RNF17: variants seen among roughly 807,000 people sequenced by gnomAD.
RNF17 encodes the protein ring finger protein 17.
In RNF17, 31 loss-of-function variants were observed where a neutral mutation model predicts 200.5. The ratio of observed to expected loss-of-function variants is 0.15; its 90% confidence interval spans 0.12 to 0.21. The LOEUF is 0.21. RNF17 is among the 10% of genes least tolerant of loss of function. RNF17 has a pLI of 1.00. For synonymous variants in RNF17, 606 were observed against 637.8 expected, an observed-to-expected ratio of 0.95 and a Z score of 0.75; for missense variants, 1,628 against 1,905.1, an observed-to-expected ratio of 0.85 and a Z score of 2.71.
At chr13:24,856,342 C>A (rs1007459351) in intron 25 of RNF17, among the ~76,000 whole-genome samples, 3 of 150,818 alleles carry the variant, frequency 2.0e-5, no homozygotes, top group Non-Finnish European at 4.4e-5. Context: ...ATCGTTTGAA[C>A]CTGGGAGGCA....
At chr13:24,885,450 A>G in the RNF17 span, 7 of 1,261,964 alleles carry the variant, frequency 5.5e-6, no homozygotes, top group Non-Finnish European at 7.0e-6. Context: ...AGATTCTGAT[A>G]TAGGGTTCTA....
chr13:24,871,381 A>G (rs1397077493), intron 32 of RNF17, among the ~76,000 whole-genome samples: 1 of 152,178 alleles, frequency 6.6e-6, no homozygotes, highest in African/African-American at 2.4e-5. Flanking sequence ...TTTGTCGCCC[A>G]AGCTGGAGTG....
intron 15 of RNF17, among the ~76,000 whole-genome samples, chr13:24,806,616 A>G (rs1285778724): frequency 1.3e-5 from 2 of 152,156 alleles, no homozygotes; most frequent in African/African-American, 4.8e-5. Context: ...TTTGTTGGTC[A>G]CAGCAATGTC....
the RNF17 span, among the ~76,000 whole-genome samples, chr13:24,754,051 G>A: frequency 6.6e-6 from 1 of 151,924 alleles, no homozygotes; most frequent in South Asian, 2.1e-4. Flanking sequence ...CCAGCTACTT[G>A]GGAGGCTGAG....
Position 24,877,195 on chromosome 13 carries a change from C to A in RNF17, c.4773+9C>A. The A allele has an allele frequency of 6.3e-7, 1 of 1,598,536 alleles. No individual in the cohort carries two copies. The highest frequency in any genetic ancestry group is 1.1e-5 in the South Asian group (1 of 87,588). ...TCTATGCTGTGTCCATGGTAAGTGT[C>A]TCAAGTAGCCAAAATTATTGTAAAG... On this transcript the variant is annotated intron_variant, in intron 34 of 35. Coordinates refer to ENST00000255324, the MANE Select transcript of RNF17 (RefSeq NM_031277.3).
chr13:24,812,720 C>T lies in RNF17; in HGVS notation c.2091+8291C>T, dbSNP rs1412595901. Among the ~76,000 whole-genome samples the T allele has an allele frequency of 5.4e-5, 7 of 129,904 alleles. No homozygotes were observed. In the East Asian group the frequency reaches 1.3e-3, roughly 25 times the overall value. The allele number at this position is 129,904 out of a possible 152,430, so 85.2% of individuals were successfully genotyped here. On this transcript the variant is annotated intron_variant, in intron 15 of 35. Transcript: ENST00000255324. ...TTTTTGAGACGCAGTCTCGCTCTGT[C>T]GCCCAGGCTGGAGTGTAGTGGCAGG...
At chr13:24,886,229 C>A in the RNF17 span, 1 of 1,009,474 alleles carries the variant, frequency 9.9e-7, no homozygotes, top group Non-Finnish European at 1.4e-6. Context: ...ATTGTAAACA[C>A]TCAACTTGGA....
chr13:24,835,329 G>A (rs1889865353), intron 18 of RNF17, among the ~76,000 whole-genome samples: 1 of 152,086 alleles, frequency 6.6e-6, no homozygotes, highest in Non-Finnish European at 1.5e-5. Flanking sequence ...CACAGCTGAT[G>A]CTCTCTGGAA....
chr13:24,811,814 G>GA (rs1204778286), intron 15 of RNF17, among the ~76,000 whole-genome samples: 4 of 152,078 alleles, frequency 2.6e-5, no homozygotes, highest in African/African-American at 9.7e-5. Flanking sequence ...GTACAGATGG[G>GA]TTTTTGGTGT....
At chr13:24,782,056 G>A in intron 6 of RNF17, 112 bp downstream of exon 6, 1 of 720,540 alleles carries the variant, frequency 1.4e-6, no homozygotes, top group Non-Finnish European at 2.4e-6. Flanking sequence ...AGTTTGTAAT[G>A]GGTAACTTTC....
At chr13:24,748,737 G>T in the RNF17 span, among the ~76,000 whole-genome samples, 10 of 135,382 alleles carry the variant, frequency 7.4e-5, no homozygotes, top group African/African-American at 1.9e-4. Flanking sequence ...GTTGGTGGTG[G>T]TTTTTTTTGT....
chr13:24,832,506 C>G (rs1002990004), intron 18 of RNF17, among the ~76,000 whole-genome samples: 1 of 152,172 alleles, frequency 6.6e-6, no homozygotes, highest in Non-Finnish European at 1.5e-5. Flanking sequence ...ATCAAAAGTT[C>G]AGCAGCAAAA....
In RNF17 at chr13:24,842,106, A is replaced by G. The variant is rs754002610; in HGVS notation, c.2548A>G (p.Thr850Ala). ...TTCTCTTGGTGCTCCTGAAATGACT[A>G]CTACTAGTATTAATGACCAGCTAGT... ...FDSLGAPEMT[T>A]TSINDQLVKE... The change falls in exon 19 of 36, where the codon ACT (threonine) becomes GCT (alanine). Residue 850 changes from threonine (T) to alanine (A), a missense_variant. By Grantham distance (58) the Thr-to-Ala change is moderately conservative. Coordinates refer to ENST00000255324, the MANE Select transcript of RNF17 (RefSeq NM_031277.3). The G allele has an allele frequency of 1.9e-6, 3 of 1,609,700 alleles. No homozygotes were observed. The highest frequency in any genetic ancestry group is 1.7e-5 in the Admixed American group (1 of 59,890).
chr13:24,831,374 G>A (rs1187447758), intron 17 of RNF17, among the ~76,000 whole-genome samples: 2 of 152,086 alleles, frequency 1.3e-5, no homozygotes, highest in South Asian at 2.1e-4. Context: ...CCCGGGAGGC[G>A]GAGGTTGCGG....
chr13:24,767,221 C>A, intron 1 of RNF17, 51 bp from the exon 2 acceptor site: 1 of 1,283,468 alleles, frequency 7.8e-7, no homozygotes, highest in South Asian at 1.3e-5. Context: ...AAGACCCTGT[C>A]TCAATAATCA....
At chr13:24,780,931 T>G (rs73465011) in intron 5 of RNF17, among the ~76,000 whole-genome samples, 1,856 of 151,966 alleles carry the variant, frequency 0.012, 51 homozygotes, top group African/African-American at 0.042. Context: ...ACCTTCTAAG[T>G]TAGGTATGGG....
chr13:24,824,317 A>C, intron 15 of RNF17: 1 of 648,818 alleles, frequency 1.5e-6, no homozygotes, highest in Admixed American at 2.5e-5. Flanking sequence ...TGAATTTTTA[A>C]ATGTTCACTC....
intron 9 of RNF17, among the ~76,000 whole-genome samples, chr13:24,790,803 T>C (rs557156648): frequency 6.6e-6 from 1 of 152,230 alleles, no homozygotes; most frequent in South Asian, 2.1e-4. Context: ...CAAATAACTA[T>C]CTTCACAAGG....
rs1349381603 is a variant in RNF17 at position 24,877,049 on chromosome 13, G to A, written c.4636G>A (p.Val1546Ile). ...GCGGTATCCAGCTCGAGCCATAAAG[G>A]TTCTCTTGGCAGGGTTTAAACCTCC... Reference protein sequence around the residue: ...LMRYPARAIKVLLAGFKPPLR... With the variant: ...LMRYPARAIKILLAGFKPPLR... The change falls in exon 34 of 36, where the codon GTT becomes ATT. Residue 1546 changes from valine to isoleucine, a missense_variant. Physicochemically the swap from Val to Ile is conservative, Grantham distance 29. This residue lies in a region of RNF17 where 609 missense variants were observed against 681.9 expected (regional missense o/e 0.89). Coordinates refer to ENST00000255324, the MANE Select transcript of RNF17 (RefSeq NM_031277.3). 1 of 1,612,770 alleles carries A rather than the reference G, an allele frequency of 6.2e-7. No individual in the cohort carries two copies. The highest frequency in any genetic ancestry group is 1.3e-5 in the African/African-American group (1 of 74,796).
Sources: gnomAD v4.1 joint callset for allele counts (sites outside exome capture counted in the v4.1 genomes callset) on GRCh38, gnomAD v4.1.1 for gene constraint, gnomAD v4.1.1 regional missense constraint, MANE v1.5 for transcripts, NCBI Gene and HGNC (gene_info 2026-07-23, HGNC 2026-07-21) for gene names.